BABAM2: variants seen among roughly 807,000 people sequenced by gnomAD.
BABAM2 encodes the protein BRISC and BRCA1 A complex member 2.
A neutral mutation model predicts 54.7 loss-of-function variants in BABAM2; 31 were observed. That is an observed-to-expected ratio of 0.57 (90% CI 0.43 to 0.77). The LOEUF is 0.77. Among genes scored for constraint, BABAM2 ranks in the 30% least tolerant of loss-of-function variants. The probability of loss-of-function intolerance (pLI) is 0.00; values close to 1 mark genes in which losing one functional copy is unlikely to be tolerated. For missense variants in BABAM2, 364 were observed against 455.8 expected (o/e 0.80, Z 1.83); for synonymous variants, 167 against 162.9 (o/e 1.03, Z -0.19).
chr2:28,250,048 G>T lies in BABAM2; in HGVS notation c.934+5186G>T, dbSNP rs566204146. ...GTGATGGAACAAAGTAAAAGGCTAT[G>T]AATAGAGAATAAGAAGGAGATGCTG... On this transcript the variant is annotated intron_variant, in intron 10 of 11. Coordinates refer to ENST00000379624, the MANE Select transcript of BABAM2 (RefSeq NM_199191.3). Among the ~76,000 whole-genome samples the T allele has an allele frequency of 2.6e-4, 39 of 152,348 alleles. No individual in the cohort carries two copies. The South Asian group carries it at 8.1e-3, about 32-fold the overall frequency.
At chr2:28,264,323 T>C (rs1684794606) in intron 10 of BABAM2, among the ~76,000 whole-genome samples, 1 of 152,196 alleles carries the variant, frequency 6.6e-6, no homozygotes, top group Admixed American at 6.5e-5. Context: ...CACAGTCTTA[T>C]ATACACAGAT....
intron 9 of BABAM2, among the ~76,000 whole-genome samples, chr2:28,243,217 A>G (rs895330885): frequency 6.6e-5 from 10 of 152,142 alleles, no homozygotes; most frequent in African/African-American, 2.2e-4. Context: ...TATCAGCACT[A>G]TAACATTATT....
At chr2:28,165,352 G>A (rs1311587976) in intron 7 of BABAM2, among the ~76,000 whole-genome samples, 1 of 152,090 alleles carries the variant, frequency 6.6e-6, no homozygotes, top group African/African-American at 2.4e-5. Context: ...AGTATGGTTG[G>A]TTCGGGGAGC....
In BABAM2 at chr2:27,957,009, A is replaced by G. The variant is rs368449530; in HGVS notation, c.205+27101A>G. ...TTAGACACAAGATGTGTTGCTCGAC[A>G]GTATGCCTAAAGTATATCATGACTA... On this transcript the variant is annotated intron_variant, in intron 3 of 11. Transcript: ENST00000379624. Among the ~76,000 whole-genome samples, 3 of 152,216 alleles carry G rather than the reference A, an allele frequency of 2.0e-5. No homozygotes were observed. The East Asian group carries it at 5.8e-4, about 29-fold the overall frequency.
At chr2:27,989,752 A>G (rs1301639396) in intron 4 of BABAM2, among the ~76,000 whole-genome samples, 1 of 152,210 alleles carries the variant, frequency 6.6e-6, no homozygotes, top group African/African-American at 2.4e-5. Flanking sequence ...TGATGCAAGA[A>G]GAAACAGCAT....
chr2:27,960,564 GTAGCTCAGC>G (rs1391159926), intron 3 of BABAM2, among the ~76,000 whole-genome samples: 1 of 152,050 alleles, frequency 6.6e-6, no homozygotes, highest in African/African-American at 2.4e-5. Flanking sequence ...TCTACTTTGC[GTAGCTCAGC>G]TAGGAATTAG....
intron 6 of BABAM2, among the ~76,000 whole-genome samples, chr2:28,077,815 A>G (rs964706215): frequency 6.6e-6 from 1 of 152,216 alleles, no homozygotes; most frequent in Non-Finnish European, 1.5e-5. Context: ...TATCTTGGAA[A>G]GACAGGACAA....
At position 27,926,784 on chromosome 2, in the gene BABAM2, AT is replaced by A. The variant is rs551723532; in HGVS notation, c.129-3038del. Among the ~76,000 whole-genome samples the A allele has an allele frequency of 4.9e-3, 735 of 150,594 alleles. 2 individuals carry two copies. Among genetic ancestry groups the A allele is most frequent in the African/African-American group, 0.013 (517 of 40,950 alleles). ...GAATGAAACACAGAGATAGAGAAAT[AT>A]TTTTTTTTTCATAAAACTATAATTT... On this transcript the variant is annotated intron_variant, in intron 2 of 11. Coordinates refer to ENST00000379624, the MANE Select transcript of BABAM2 (RefSeq NM_199191.3).
intron 5 of BABAM2, among the ~76,000 whole-genome samples, chr2:28,042,096 G>A (rs1677145475): frequency 6.6e-6 from 1 of 152,116 alleles, no homozygotes; most frequent in Non-Finnish European, 1.5e-5. Context: ...TGAGGTGAGA[G>A]GGAAAGATAG....
At chr2:28,298,595 T>G (rs962314610) in intron 11 of BABAM2, 104 bp downstream of exon 11, 1 of 1,372,104 alleles carries the variant, frequency 7.3e-7, no homozygotes, top group African/African-American at 1.5e-5. Flanking sequence ...CCTGTGCATG[T>G]TTTTGTAAAT....
chr2:28,300,352 T>C (rs1341077539), intron 11 of BABAM2, among the ~76,000 whole-genome samples: 1 of 152,202 alleles, frequency 6.6e-6, no homozygotes, highest in Non-Finnish European at 1.5e-5. Flanking sequence ...TTCTTTCCCT[T>C]TATTTTCTCT....
chr2:28,116,983 A>G (rs1405265910), intron 6 of BABAM2, among the ~76,000 whole-genome samples: 1 of 152,208 alleles, frequency 6.6e-6, no homozygotes, highest in Admixed American at 6.5e-5. Context: ...GCATACTCCT[A>G]TGGATTTTCT....
chr2:28,112,151 C>CTTTCGT (rs1261759583), intron 6 of BABAM2, among the ~76,000 whole-genome samples: 1 of 19,606 alleles, frequency 5.1e-5, no homozygotes, highest in African/African-American at 2.3e-4. Flanking sequence ...CTTTCTTTAC[C>CTTTCGT]TCCCTCCCTC....
chr2:28,085,473 G>A (rs1438555146), intron 6 of BABAM2, among the ~76,000 whole-genome samples: 7 of 151,962 alleles, frequency 4.6e-5, no homozygotes, highest in Non-Finnish European at 5.9e-5. Context: ...CTGTGTAGAC[G>A]GAGACGTAAA....
At chr2:28,234,726 T>A (rs1225230268) in intron 7 of BABAM2, among the ~76,000 whole-genome samples, 1 of 152,238 alleles carries the variant, frequency 6.6e-6, no homozygotes, top group Non-Finnish European at 1.5e-5. Flanking sequence ...GTATTTATTT[T>A]TCTTGCACTG....
chr2:28,074,340 C>A (rs959109884), intron 6 of BABAM2, among the ~76,000 whole-genome samples: 3 of 152,114 alleles, frequency 2.0e-5, no homozygotes, highest in Non-Finnish European at 2.9e-5. Context: ...CATCTGCCTG[C>A]CAGATGCTAG....
intron 7 of BABAM2, among the ~76,000 whole-genome samples, chr2:28,176,741 T>C (rs1166474234): frequency 6.7e-6 from 1 of 149,232 alleles, no homozygotes; most frequent in African/African-American, 2.5e-5. Flanking sequence ...ATTCAATGAA[T>C]GAAATAAAAT....
At chr2:28,183,441 CA>C (rs922296075) in intron 7 of BABAM2, among the ~76,000 whole-genome samples, 5 of 151,010 alleles carry the variant, frequency 3.3e-5, no homozygotes, top group South Asian at 2.1e-4. Context: ...ACTCTATCTC[CA>C]AAAAAAAATT....
At chr2:28,116,169 T>C (rs569520569) in intron 6 of BABAM2, among the ~76,000 whole-genome samples, 7 of 151,798 alleles carry the variant, frequency 4.6e-5, no homozygotes, top group Admixed American at 1.3e-4. Flanking sequence ...AATGTCAGGC[T>C]AATGTAGATG....
Sources: allele counts gnomAD v4.1 joint callset (sites outside exome capture counted in the v4.1 genomes callset), GRCh38; gene constraint gnomAD v4.1.1; transcripts MANE v1.5; gene names NCBI Gene and HGNC (gene_info 2026-07-23, HGNC 2026-07-21).